The following TSPEAR variants were observed in gnomAD, a reference collection of about 807,000 sequenced individuals.
The protein encoded by TSPEAR is thrombospondin-type laminin G domain and EAR repeat-containing protein.
Under a neutral mutation model 71.6 loss-of-function variants are expected in TSPEAR, and 69 were observed. The ratio of observed to expected loss-of-function variants is 0.96; its 90% CI spans 0.79 to 1.18. The LOEUF (loss-of-function observed/expected upper bound fraction) is 1.18. Among genes scored for constraint, TSPEAR ranks in the 50% most tolerant of loss-of-function variants. The probability of loss-of-function intolerance (pLI) is 0.00; values close to 1 mark genes in which losing one functional copy is unlikely to be tolerated. For synonymous variants in TSPEAR, 402 were observed against 387.2 expected, an observed-to-expected ratio of 1.04 and a Z score of -0.45; for missense variants, 971 against 894.9, an observed-to-expected ratio of 1.09 and a Z score of -1.09.
At chr21:44,518,085 G>A (rs1453640203) in intron 9 of TSPEAR, among the ~76,000 whole-genome samples, 9 of 152,134 alleles carry the variant, frequency 5.9e-5, no homozygotes, top group Admixed American at 5.9e-4. Flanking sequence ...TTTAATGCCA[G>A]CAATTGCATT....
At chr21:44,517,900 G>A (rs1305426231) in intron 9 of TSPEAR, 17 of 468,236 alleles carry the variant, frequency 3.6e-5, no homozygotes, top group South Asian at 1.2e-4. Context: ...AGATCTGGGC[G>A]GTTTTCTTCA....
intron 1 of TSPEAR, among the ~76,000 whole-genome samples, chr21:44,597,682 C>T (rs183366395): frequency 6.6e-6 from 1 of 152,104 alleles, no homozygotes; most frequent in East Asian, 1.9e-4. Flanking sequence ...TCTGCCTGCC[C>T]CAGCCTCCCA....
intron 1 of TSPEAR, chr21:44,666,539 C>A (rs781800550): frequency 1.2e-6 from 2 of 1,612,902 alleles, no homozygotes; most frequent in South Asian, 2.2e-5. Context: ...AGGACGGAGC[C>A]GCATACACGA....
intron 2 of TSPEAR, among the ~76,000 whole-genome samples, chr21:44,538,670 G>A (rs587650094): frequency 6.6e-6 from 1 of 152,304 alleles, no homozygotes; most frequent in Non-Finnish European, 1.5e-5. Flanking sequence ...CTTCCCGGAA[G>A]GTGACCCTGC....
At chr21:44,550,498 G>A in intron 2 of TSPEAR, 1 of 849,062 alleles carries the variant, frequency 1.2e-6, no homozygotes, top group Non-Finnish European at 1.8e-6. Context: ...GCACCGTGAG[G>A]AGAAGCCAGG....
At chr21:44,554,416 GA>G (rs782644289) in intron 2 of TSPEAR, among the ~76,000 whole-genome samples, 2 of 151,278 alleles carry the variant, frequency 1.3e-5, no homozygotes, top group African/African-American at 4.9e-5. Context: ...CTGTGACAGA[GA>G]AGAAGCAAAG....
At chr21:44,503,673 C>T (rs377389676) in intron 11 of TSPEAR, among the ~76,000 whole-genome samples, 167 of 51,848 alleles carry the variant, frequency 3.2e-3, no homozygotes, top group African/African-American at 8.5e-3. Flanking sequence ...GAGCCCACAG[C>T]GGGGAAGCAA....
chr21:44,601,872 C>G, intron 1 of TSPEAR: 2 of 1,192,354 alleles, frequency 1.7e-6, no homozygotes, highest in Non-Finnish European at 2.3e-6. Flanking sequence ...ATCCAGTGTG[C>G]GCTTCTCCTC....
chr21:44,645,610 C>T (rs1029707050), intron 1 of TSPEAR, among the ~76,000 whole-genome samples: 1 of 152,140 alleles, frequency 6.6e-6, no homozygotes, highest in Middle Eastern at 3.4e-3. Flanking sequence ...CCTCAGCCCC[C>T]CAAAGTACTG....
At chr21:44,591,141 G>A (rs1263837288) in intron 1 of TSPEAR, 1 of 611,718 alleles carries the variant, frequency 1.6e-6, no homozygotes, top group African/African-American at 1.9e-5. Flanking sequence ...TAGAACTAGA[G>A]GGGGTGCTGC....
chr21:44,627,579 C>T, intron 1 of TSPEAR: 1 of 1,613,528 alleles, frequency 6.2e-7, no homozygotes, highest in East Asian at 2.2e-5. Flanking sequence ...CTTCCTCCTG[C>T]CAGCCGGCCT....
chr21:44,557,740 G>A lies in TSPEAR; in HGVS notation c.303+10045C>T, dbSNP rs587598572. 3.9e-5 allele frequency: 16 copies of A among 412,104 alleles called. 1 individual carries two copies. The South Asian group carries it at 4.3e-4, about 11-fold the overall frequency. The allele number at this position is 412,104 out of a possible 1,614,324, so 25.5% of individuals were successfully genotyped here. On this transcript the variant is annotated intron_variant, in intron 2 of 11. Transcript: ENST00000323084. The stretch of plus-strand genomic sequence containing the variant: ...CCGAAGCTCCCACCCCACGCGGCAC[G>A]TTGAAGTTCTTCCCACAGGGTTTGC...
intron 1 of TSPEAR, among the ~76,000 whole-genome samples, chr21:44,625,390 C>T (rs782048043): frequency 6.6e-6 from 1 of 152,170 alleles, no homozygotes; most frequent in Non-Finnish European, 1.5e-5. Flanking sequence ...CCCAGGAGTT[C>T]AAGACCAGCT....
intron 1 of TSPEAR, among the ~76,000 whole-genome samples, chr21:44,633,261 C>T (rs185588526): frequency 1.3e-5 from 2 of 152,168 alleles, no homozygotes; most frequent in Admixed American, 1.3e-4. Context: ...TTTCTTCCTT[C>T]TTCTAGGTTT....
At chr21:44,535,497 G>T (rs782588351) in intron 2 of TSPEAR, among the ~76,000 whole-genome samples, 29 of 152,228 alleles carry the variant, frequency 1.9e-4, no homozygotes, top group Non-Finnish European at 3.4e-4. Context: ...GTTGACAGTG[G>T]ACAGCACAGG....
At chr21:44,702,678 ACCCGCCTTCT>A (rs2146331503) in intron 1 of TSPEAR, 1 of 1,549,126 alleles carries the variant, frequency 6.5e-7, no homozygotes, top group South Asian at 1.1e-5. Context: ...CCTGTTGTGC[ACCCGCCTTCT>A]CCTGCCAGCC....
chr21:44,637,876 G>A (rs1555937414), intron 1 of TSPEAR: 4 of 1,531,224 alleles, frequency 2.6e-6, no homozygotes, highest in African/African-American at 1.4e-5. Flanking sequence ...TCTGCTCTAA[G>A]TCCGTCTGCT....
chr21:44,606,493 G>A (rs587606345), intron 1 of TSPEAR, among the ~76,000 whole-genome samples: 1 of 152,268 alleles, frequency 6.6e-6, no homozygotes, highest in African/African-American at 2.4e-5. Flanking sequence ...AATAGAACTT[G>A]CCTATGATCC....
At chr21:44,536,372 GT>G (rs1353086705) in intron 2 of TSPEAR, among the ~76,000 whole-genome samples, 1 of 152,162 alleles carries the variant, frequency 6.6e-6, no homozygotes, top group East Asian at 1.9e-4. Flanking sequence ...GAACCCATGG[GT>G]TTTTCTTTTT....
Sources: allele counts gnomAD v4.1 joint callset (sites outside exome capture counted in the v4.1 genomes callset), GRCh38; gene constraint gnomAD v4.1.1; transcripts MANE v1.5; gene names NCBI Gene and HGNC (gene_info 2026-07-23, HGNC 2026-07-21).